Variants in LPIN1 observed in about 807,000 individuals in gnomAD.
LPIN1 encodes lipin 1.
A neutral mutation model predicts 107.5 loss-of-function variants in LPIN1; 71 were observed. The ratio of observed to expected loss-of-function variants is 0.66; its 90% confidence interval spans 0.55 to 0.80. The LOEUF is 0.80. Among genes scored for constraint, LPIN1 ranks in the 30% least tolerant of loss-of-function variants. LPIN1 has a pLI of 0.00. For missense variants in LPIN1, 1,043 were observed against 1,160.6 expected, an observed-to-expected ratio of 0.90 and a Z score of 1.47; for synonymous variants, 445 against 452.6, an observed-to-expected ratio of 0.98 and a Z score of 0.21.
At chr2:11,802,364 C>T (rs1375788569) in intron 14 of LPIN1, among the ~76,000 whole-genome samples, 1 of 152,198 alleles carries the variant, frequency 6.6e-6, no homozygotes, top group African/African-American at 2.4e-5. Flanking sequence ...GTATTCCTTG[C>T]TCATGGGATG....
At chr2:11,748,489 CA>C (rs1280602392) in intron 1 of LPIN1, among the ~76,000 whole-genome samples, 1 of 152,096 alleles carries the variant, frequency 6.6e-6, no homozygotes, top group Non-Finnish European at 1.5e-5. Context: ...AGGATTGTTG[CA>C]AAAATTAATT....
intron 1 of LPIN1, among the ~76,000 whole-genome samples, chr2:11,731,366 C>T (rs111572073): frequency 0.03 from 4,602 of 152,222 alleles, 243 homozygotes; most frequent in African/African-American, 0.11. Flanking sequence ...AGAATGATGG[C>T]TTCCAGCTTC....
chr2:11,741,538 C>T (rs1181211272), intron 2 of LPIN1: 4 of 837,742 alleles, frequency 4.8e-6, no homozygotes, highest in Non-Finnish European at 7.6e-6. Flanking sequence ...TGGTTCCAAA[C>T]ATTGCCACTC....
intron 12 of LPIN1, 124 bp downstream of exon 12, chr2:11,788,580 T>G (rs1675088871): frequency 1.3e-6 from 1 of 785,392 alleles, no homozygotes; most frequent in African/African-American, 1.7e-5. Context: ...TCTTTTGAAG[T>G]TCATGAGCAT....
Position 11,783,866 on chromosome 2 carries a change from C to A in LPIN1, c.1302C>A (p.Tyr434Ter). Residue 434 changes from tyrosine to a stop codon, truncating the protein, a stop_gained, in exon 9 of 21, where the codon TAC (tyrosine) becomes TAA (stop). Coordinates refer to ENST00000674199, the MANE Select transcript of LPIN1 (RefSeq NM_001349206.2). LOFTEE classifies it high-confidence loss of function. ...GACATCTTGGTGCTGACGGCGTCTACTTGGATGACCTCACAGACATGGATC... is the reference window on the plus strand; with the variant it reads ...GACATCTTGGTGCTGACGGCGTCTAATTGGATGACCTCACAGACATGGATC... ...RSRHLGADGVYLDDLTDMDPE... is the reference protein window; with the variant it reads ...RSRHLGADGV 6.2e-7 allele frequency: 1 copy of A among 1,614,222 alleles called. No homozygotes were observed. The highest frequency in any genetic ancestry group is 8.5e-7 in the Non-Finnish European group (1 of 1,180,042).
In LPIN1 at chr2:11,779,532, C is replaced by A; in HGVS notation, c.844C>A (p.Arg282=). 6.2e-7 allele frequency: 1 copy of A among 1,613,688 alleles called. No homozygotes were observed. The highest frequency in any genetic ancestry group is 8.5e-7 in the Non-Finnish European group (1 of 1,179,950). The change falls in exon 7 of 21, where the codon CGA becomes AGA. Residue 282 remains arginine (R), a synonymous_variant. Transcript: ENST00000674199. ...GTTTTCCTTAAGTCCTTCCGGTTCC[C>A]GACCTTCAACACCTAAAAGTGATTC... ...FHPSESPSGS[R]PSTPKSDSEL...
chr2:11,729,226 G>A (rs986491213), intron 1 of LPIN1, among the ~76,000 whole-genome samples: 2 of 152,286 alleles, frequency 1.3e-5, no homozygotes, highest in South Asian at 4.2e-4. Context: ...ATGATGGGTT[G>A]ATAGGTGCAG....
chr2:11,802,884 G>C (rs1268180446), intron 14 of LPIN1, 23 bp from the exon 15 acceptor site: 1 of 1,611,886 alleles, frequency 6.2e-7, no homozygotes, highest in South Asian at 1.1e-5. Flanking sequence ...TCTAATTGGT[G>C]ATGACATCAC....
chr2:11,760,257 G>T (rs1255832194), intron 1 of LPIN1, among the ~76,000 whole-genome samples: 2 of 152,194 alleles, frequency 1.3e-5, no homozygotes, highest in Non-Finnish European at 2.9e-5. Context: ...AGGCAGAGAT[G>T]CTCCTCACTT....
At chr2:11,713,672 A>G (rs1216574214) in intron 1 of LPIN1, 9 of 776,352 alleles carry the variant, frequency 1.2e-5, no homozygotes, top group African/African-American at 6.9e-5. Context: ...AGTTTTTAGT[A>G]TATTGGCAAA....
chr2:11,786,941 A>G lies in LPIN1; in HGVS notation c.1550-133A>G. The G allele has an allele frequency of 1.4e-6, 1 of 719,708 alleles. No individual in the cohort carries two copies. Among genetic ancestry groups the G allele is most frequent in the Non-Finnish European group, 2.5e-6 (1 of 394,490 alleles). The allele number at this position is 719,708 out of a possible 1,614,324, so 44.6% of individuals were successfully genotyped here. On this transcript the variant is annotated intron_variant, in intron 10 of 20. Coordinates refer to ENST00000674199, the MANE Select transcript of LPIN1 (RefSeq NM_001349206.2). This position sits in a 1 kb window ranked among gnomAD's most constrained non-coding sequence, Gnocchi z 4.1. ...GGTGCGGCCTTTACAAATACATTTTATAGGATTGTCTGCACAGTTGGAATG... is the reference window on the plus strand; with the variant it reads ...GGTGCGGCCTTTACAAATACATTTTGTAGGATTGTCTGCACAGTTGGAATG...
At chr2:11,807,010 T>C (rs1204696796) in intron 17 of LPIN1, among the ~76,000 whole-genome samples, 1 of 152,236 alleles carries the variant, frequency 6.6e-6, no homozygotes, top group African/African-American at 2.4e-5. Context: ...ACTCGCCCTC[T>C]ATTGATGAAC....
upstream of LPIN1, chr2:11,723,724 C>G (rs1664335876): frequency 6.6e-6 from 1 of 152,256 alleles, no homozygotes; most frequent in Middle Eastern, 3.4e-3. Flanking sequence ...AGTTTGGGCT[C>G]CCAGGGTCAC....
At chr2:11,760,182 C>G (rs1669550741) in intron 1 of LPIN1, among the ~76,000 whole-genome samples, 1 of 151,732 alleles carries the variant, frequency 6.6e-6, no homozygotes, top group Non-Finnish European at 1.5e-5. Flanking sequence ...AAGAGGCACT[C>G]CTCACTTCCC....
rs1398114512 is a variant in LPIN1, at chr2:11,779,625, G to C, written c.937G>C (p.Glu313Gln). The C allele has an allele frequency of 1.9e-6, 3 of 1,614,020 alleles. No homozygotes were observed. Among genetic ancestry groups the C allele is most frequent in the Non-Finnish European group, 2.5e-6 (3 of 1,180,016 alleles). ...CCCAGAAATGCTTTGGCTGTGGGGA[G>C]AGCTGCCGCAGGCTGCTAAGGTGAG... is the stretch of plus-strand genomic sequence containing the variant. ...KNPEMLWLWGELPQAAKSSSP... is the reference protein window; with the variant it reads ...KNPEMLWLWGQLPQAAKSSSP... The change falls in exon 7 of 21, where the codon GAG becomes CAG. Residue 313 changes from glutamate to glutamine, a missense_variant. Glu to Gln is a conservative substitution (Grantham distance 29). Transcript: ENST00000674199.
Position 11,765,572 on chromosome 2 carries a change from G to A in LPIN1, c.31G>A (p.Val11Met). Residue 11 changes from valine (V) to methionine (M), a missense_variant, in exon 2 of 21, where the codon GTG (valine) becomes ATG (methionine). By Grantham distance (21) the Val-to-Met change is conservative (BLOSUM62 1). Coordinates refer to ENST00000674199, the MANE Select transcript of LPIN1 (RefSeq NM_001349206.2). The surrounding 1 kb of genome is among the most constrained non-coding windows in gnomAD (Gnocchi z 4.4). Reference protein sequence around the residue: MNYVGQLAGQVFVTVKELYKG... With the variant: MNYVGQLAGQMFVTVKELYKG... ...TTACGTGGGGCAGTTAGCCGGCCAG[G>A]TGTTTGTCACCGTGAAGGAGCTCTA... is the stretch of plus-strand genomic sequence containing the variant. The A allele has an allele frequency of 6.2e-7, 1 of 1,614,126 alleles. No homozygotes were observed. Among genetic ancestry groups the A allele is most frequent in the Non-Finnish European group, 8.5e-7 (1 of 1,179,978 alleles).
chr2:11,803,165 C>G lies in LPIN1; in HGVS notation c.2013+132C>G. The stretch of plus-strand genomic sequence containing the variant: ...TCCCAGGGGGCCTGCAATCCCTCAA[C>G]TGGGTACCCGCTGTTTCCACCCCAA... On this transcript the variant is annotated intron_variant, in intron 15 of 20. Coordinates refer to ENST00000674199, the MANE Select transcript of LPIN1 (RefSeq NM_001349206.2). The surrounding 1 kb of genome is among the most constrained non-coding windows in gnomAD (Gnocchi z 4.2). 1 of 1,243,368 alleles carries G rather than the reference C, an allele frequency of 8.0e-7. No homozygotes were observed. The highest frequency in any genetic ancestry group is 1.2e-5 in the South Asian group (1 of 82,350). 77.0% of individuals were successfully genotyped at this position (1,243,368 alleles called of 1,614,324 possible).
chr2:11,696,208 G>A (rs1008593892), intron 1 of LPIN1, among the ~76,000 whole-genome samples: 2 of 146,262 alleles, frequency 1.4e-5, no homozygotes, highest in Non-Finnish European at 1.5e-5. Flanking sequence ...ACAAGCCCCA[G>A]TGTGTGGTGT....
chr2:11,738,174 G>T (rs1665978582), intron 1 of LPIN1, among the ~76,000 whole-genome samples: 1 of 151,998 alleles, frequency 6.6e-6, no homozygotes, highest in South Asian at 2.1e-4. Flanking sequence ...TCATAAGTGG[G>T]AGTTGAATAA....
Sources: gnomAD v4.1 joint callset for allele counts (sites outside exome capture counted in the v4.1 genomes callset) on GRCh38, gnomAD v4.1.1 for gene constraint, Gnocchi (gnomAD v3.1) non-coding constraint, MANE v1.5 for transcripts, NCBI Gene and HGNC (gene_info 2026-07-23, HGNC 2026-07-21) for gene names.